Variants in ADGRG7 observed in about 807,000 individuals in gnomAD.
ADGRG7 encodes the protein adhesion G protein-coupled receptor G7.
A neutral mutation model predicts 88.6 loss-of-function variants in ADGRG7; 82 were observed. The ratio of observed to expected loss-of-function variants is 0.93; its 90% CI spans 0.77 to 1.11. The LOEUF is 1.11. ADGRG7 is among the 50% of genes most tolerant of loss of function. The probability of loss-of-function intolerance (pLI) is 0.00; values close to 1 mark genes in which losing one functional copy is unlikely to be tolerated. For synonymous variants in ADGRG7, 381 were observed against 345.2 expected (o/e 1.10, Z -1.15); for missense variants, 945 against 953.4 (o/e 0.99, Z 0.12).
At chr3:100,632,464 C>A (rs1004687617) in intron 3 of ADGRG7, among the ~76,000 whole-genome samples, 3 of 152,074 alleles carry the variant, frequency 2.0e-5, no homozygotes, top group Non-Finnish European at 4.4e-5. Flanking sequence ...GGGATATTTG[C>A]ACTTTTAGGT....
At chr3:100,644,061 C>T (rs16842471) in intron 8 of ADGRG7, among the ~76,000 whole-genome samples, 3,546 of 152,214 alleles carry the variant, frequency 0.023, 111 homozygotes, top group African/African-American at 0.069. Context: ...GCACAGACAT[C>T]ATTTAGTAGT....
Position 100,659,706 on chromosome 3 carries a change from A to G in ADGRG7, c.1842A>G (p.Pro614=). ...RQEKICWLAI[P]EPNGVIKSPL... is the part of the protein sequence containing the mutation. Reference sequence around the variant, plus strand: ...TCCACAGCTGCTGGCTGGCAATTCCAGAACCCAATGGTGTTATAAAAAGTC... The same window carrying G: ...TCCACAGCTGCTGGCTGGCAATTCCGGAACCCAATGGTGTTATAAAAAGTC... The change falls in exon 14 of 16, where the codon CCA becomes CCG. Residue 614 remains proline, a synonymous_variant. Coordinates refer to ENST00000273352, the MANE Select transcript of ADGRG7 (RefSeq NM_032787.3). 1 of 1,613,514 alleles carries G rather than the reference A, an allele frequency of 6.2e-7. No individual in the cohort carries two copies. Among genetic ancestry groups the G allele is most frequent in the Non-Finnish European group, 8.5e-7 (1 of 1,179,824 alleles).
At chr3:100,664,944 A>G (rs957791866) in intron 14 of ADGRG7, 1 of 335,734 alleles carries the variant, frequency 3.0e-6, no homozygotes, top group African/African-American at 2.2e-5. Context: ...TACTGCAGAA[A>G]ACAAACTGTA....
chr3:100,671,955 GTAGCCTT>G (rs1346742035), intron 15 of ADGRG7, among the ~76,000 whole-genome samples: 1 of 152,184 alleles, frequency 6.6e-6, no homozygotes, highest in East Asian at 1.9e-4. Context: ...TTTGGTTACT[GTAGCCTT>G]GTAGCATAGT....
intron 15 of ADGRG7, among the ~76,000 whole-genome samples, chr3:100,669,587 T>C (rs2094955953): frequency 6.7e-6 from 1 of 149,206 alleles, no homozygotes; most frequent in South Asian, 2.1e-4. Context: ...AGTAGGTGTA[T>C]ATATTTATGG....
chr3:100,657,899 C>T (rs1559682514), intron 13 of ADGRG7, among the ~76,000 whole-genome samples: 3 of 152,274 alleles, frequency 2.0e-5, no homozygotes, highest in South Asian at 4.1e-4. Context: ...TAAATTAAAA[C>T]TATTCCAATG....
At chr3:100,611,773 C>CT (rs1348682468) in intron 1 of ADGRG7, among the ~76,000 whole-genome samples, 1 of 152,214 alleles carries the variant, frequency 6.6e-6, no homozygotes, top group Non-Finnish European at 1.5e-5. Context: ...GAGTGAAAGA[C>CT]TGGCACCATT....
intron 15 of ADGRG7, among the ~76,000 whole-genome samples, chr3:100,682,092 G>T (rs970250528): frequency 1.3e-5 from 2 of 152,198 alleles, no homozygotes; most frequent in Admixed American, 1.3e-4. Flanking sequence ...ACAGGCGCAG[G>T]CTGTGGGTCC....
chr3:100,618,251 C>T (rs1480830989), intron 1 of ADGRG7, among the ~76,000 whole-genome samples: 3 of 152,096 alleles, frequency 2.0e-5, no homozygotes, highest in Non-Finnish European at 4.4e-5. Context: ...TTGGCTTTTG[C>T]TGCCATTGCT....
rs1274199317 is a variant in ADGRG7, at chr3:100,609,893, G to A, written c.37G>A (p.Val13Met). The change falls in exon 1 of 16, where the codon GTG becomes ATG. Residue 13 changes from valine (V) to methionine (M), a missense_variant. Physicochemically the swap from Val to Met is conservative, Grantham distance 21. Coordinates refer to ENST00000273352, the MANE Select transcript of ADGRG7 (RefSeq NM_032787.3). ...SCRAWNLRVL[V>M]AVVCGLLTGI... ...CCGTGCCTGGAACCTTAGGGTGCTGGTGGCTGTCGTGTGTGGACTACTGAC... is the reference window on the plus strand; with the variant it reads ...CCGTGCCTGGAACCTTAGGGTGCTGATGGCTGTCGTGTGTGGACTACTGAC... 3 of 1,613,912 alleles carry A rather than the reference G, an allele frequency of 1.9e-6. No individual in the cohort carries two copies. Among genetic ancestry groups the A allele is most frequent in the Admixed American group, 1.7e-5 (1 of 59,998 alleles).
intron 1 of ADGRG7, among the ~76,000 whole-genome samples, chr3:100,613,748 T>C (rs1407246739): frequency 6.6e-6 from 1 of 150,632 alleles, no homozygotes; most frequent in Non-Finnish European, 1.5e-5. Flanking sequence ...GTATTAGATA[T>C]TTTTACTCGA....
chr3:100,655,242 A>G (rs1278775400), intron 12 of ADGRG7, 61 bp downstream of exon 12: 1 of 1,258,838 alleles, frequency 7.9e-7, no homozygotes, highest in Non-Finnish European at 1.1e-6. Context: ...TTTAATTTAA[A>G]CACTTATTGA....
chr3:100,620,689 G>C (rs952621854), intron 1 of ADGRG7, among the ~76,000 whole-genome samples: 9 of 152,182 alleles, frequency 5.9e-5, no homozygotes, highest in Admixed American at 4.6e-4. Flanking sequence ...AGCATTTTCA[G>C]CTAAACACTG....
intron 6 of ADGRG7, among the ~76,000 whole-genome samples, chr3:100,640,890 A>G (rs1405871698): frequency 6.6e-6 from 1 of 152,152 alleles, no homozygotes; most frequent in Admixed American, 6.6e-5. Flanking sequence ...CTCATATTGA[A>G]GGTCATAATT....
intron 4 of ADGRG7, chr3:100,635,450 C>G: frequency 2.2e-6 from 2 of 906,472 alleles, no homozygotes; most frequent in South Asian, 2.3e-5. Flanking sequence ...TAAGGCAGCC[C>G]CTTATAGTTA....
intron 1 of ADGRG7, 128 bp from the exon 2 acceptor site, chr3:100,629,470 C>T: frequency 3.3e-6 from 2 of 607,110 alleles, no homozygotes; most frequent in Non-Finnish European, 6.0e-6. Context: ...GATGATATTA[C>T]AAAGAATATT....
chr3:100,637,102 T>C (rs1012220092), intron 5 of ADGRG7, among the ~76,000 whole-genome samples, 200 bp from the exon 6 acceptor site: 2 of 152,240 alleles, frequency 1.3e-5, no homozygotes, highest in African/African-American at 2.4e-5. Context: ...CCTTAATTTA[T>C]ATTTTCACTT....
At chr3:100,622,797 T>C (rs1308127088) in intron 1 of ADGRG7, among the ~76,000 whole-genome samples, 1 of 152,172 alleles carries the variant, frequency 6.6e-6, no homozygotes, top group Non-Finnish European at 1.5e-5. Context: ...AGTCTCACTC[T>C]GTTGCCCAGG....
chr3:100,634,533 G>A (rs1707505037), intron 4 of ADGRG7, among the ~76,000 whole-genome samples: 1 of 152,158 alleles, frequency 6.6e-6, no homozygotes, highest in African/African-American at 2.4e-5. Context: ...CAGCTAAAAA[G>A]TGATAGAGCT....
Sources: gnomAD v4.1 joint callset for allele counts (sites outside exome capture counted in the v4.1 genomes callset) on GRCh38, gnomAD v4.1.1 for gene constraint, MANE v1.5 for transcripts, NCBI Gene and HGNC (gene_info 2026-07-23, HGNC 2026-07-21) for gene names.